Variants in NUB1 observed in about 807,000 individuals in gnomAD.
The protein encoded by NUB1 is NEDD8 ultimate buster 1.
A neutral mutation model predicts 77.1 loss-of-function variants in NUB1; 41 were observed. That is an observed-to-expected ratio of 0.53 (90% confidence interval 0.41 to 0.69). NUB1 has a LOEUF of 0.69. NUB1 is among the 30% of genes least tolerant of loss of function. The probability of loss-of-function intolerance (pLI) is 0.00; values close to 1 mark genes in which losing one functional copy is unlikely to be tolerated. For synonymous variants in NUB1, 257 were observed against 281.0 expected, an observed-to-expected ratio of 0.91 and a Z score of 0.85; for missense variants, 643 against 743.8, an observed-to-expected ratio of 0.86 and a Z score of 1.58.
intron 4 of NUB1, among the ~76,000 whole-genome samples, chr7:151,351,936 C>CAT (rs3838706): frequency 6.6e-6 from 1 of 151,804 alleles, no homozygotes; most frequent in South Asian, 2.1e-4. Flanking sequence ...CACACACACA[C>CAT]GTTTGCCACA....
At position 151,367,854 on chromosome 7, in the gene NUB1, A is replaced by C. The variant is rs1563025969; in HGVS notation, c.988-7A>C. 6.5e-7 allele frequency: 1 copy of C among 1,549,764 alleles called. No individual in the cohort carries two copies. Among genetic ancestry groups the C allele is most frequent in the Non-Finnish European group, 8.8e-7 (1 of 1,137,736 alleles). On this transcript the variant is annotated splice_polypyrimidine_tract_variant and splice_region_variant and intron_variant, in intron 9 of 14. Coordinates refer to ENST00000568733, the MANE Select transcript of NUB1 (RefSeq NM_001243351.2). ...AATTTTATCCTTTTTTTCTTCAATA[A>C]TTTTAGGGAAATTGTGGGAAAGAGA...
At chr7:151,342,089 G>A (rs1796238538) in intron 1 of NUB1, 3 of 533,612 alleles carry the variant, frequency 5.6e-6, no homozygotes. Flanking sequence ...AGAGGTGTGG[G>A]GTATTTAAAA....
At chr7:151,376,887 G>A in intron 14 of NUB1, 76 bp downstream of exon 14, 8 of 1,481,924 alleles carry the variant, frequency 5.4e-6, no homozygotes, top group Middle Eastern at 1.8e-4. Flanking sequence ...CCTAAGCCAC[G>A]GCAGATGTGG....
chr7:151,342,795 T>C (rs1293412247), intron 1 of NUB1, among the ~76,000 whole-genome samples: 1 of 152,214 alleles, frequency 6.6e-6, no homozygotes, highest in Non-Finnish European at 1.5e-5. Flanking sequence ...CCTTCGTCCT[T>C]CTGTCAAGTG....
intron 5 of NUB1, 58 bp from the exon 6 acceptor site, chr7:151,355,710 C>T (rs1797031974): frequency 7.0e-7 from 1 of 1,438,072 alleles, no homozygotes; most frequent in East Asian, 2.5e-5. Flanking sequence ...AGAAAATGGA[C>T]TGTTACCTGG....
At chr7:151,354,414 A>G (rs1264695380) in intron 5 of NUB1, among the ~76,000 whole-genome samples, 8 of 152,016 alleles carry the variant, frequency 5.3e-5, no homozygotes, top group Non-Finnish European at 1.2e-4. Context: ...TTCTCAAAAG[A>G]AAAAAATCCA....
rs1177893414 is a variant in NUB1 at position 151,375,895 on chromosome 7, T to G, written c.1443T>G (p.Pro481=). Residue 481 remains proline, a synonymous_variant, in exon 13 of 15, where the codon CCT becomes CCG. Transcript: ENST00000568733. ...PQMWWLNDSN[P]ETDNRQESPS... ...TGTGGTGGTTAAATGATTCCAATCCTGAAACCGACAACCGTCAAGAAAGTC... is the reference window on the plus strand; with the variant it reads ...TGTGGTGGTTAAATGATTCCAATCCGGAAACCGACAACCGTCAAGAAAGTC... 26 of 1,613,378 alleles carry G rather than the reference T, an allele frequency of 1.6e-5. No individual in the cohort carries two copies. Among genetic ancestry groups the G allele is most frequent in the Non-Finnish European group, 2.1e-5 (25 of 1,179,410 alleles).
chr7:151,355,121 A>G (rs1797003447), intron 5 of NUB1, among the ~76,000 whole-genome samples: 1 of 152,090 alleles, frequency 6.6e-6, no homozygotes, highest in Non-Finnish European at 1.5e-5. Context: ...TATTTTTTCA[A>G]CTAGAGGGTA....
chr7:151,366,968 T>C lies in NUB1; in HGVS notation c.830T>C (p.Val277Ala). The change falls in exon 9 of 15, where the codon GTG (valine) becomes GCG (alanine). Residue 277 changes from valine to alanine, a missense_variant. Transcript: ENST00000568733. ...TGTTGCAGAGAGCTGCTGGACACAG[T>C]GGATAACTACGCCGTCCTCCAGCTG... ...CECCRELLDT[V>A]DNYAVLQLDI... The C allele has an allele frequency of 6.2e-7, 1 of 1,613,030 alleles. No homozygotes were observed. Among genetic ancestry groups the C allele is most frequent in the South Asian group, 1.1e-5 (1 of 90,892 alleles).
At chr7:151,345,998 G>A (rs1299268158) in intron 2 of NUB1, among the ~76,000 whole-genome samples, 4 of 152,160 alleles carry the variant, frequency 2.6e-5, no homozygotes, top group African/African-American at 4.8e-5. Context: ...ACTGAAGTCT[G>A]CTTGCTTTTC....
rs1584933904 is a variant in NUB1 at position 151,346,427 on chromosome 7, G to C, written c.117+961G>C. 2.0e-5 allele frequency among the ~76,000 whole-genome samples: 3 copies of C among 152,320 alleles called. No individual in the cohort carries two copies. In the East Asian group the frequency reaches 5.8e-4, roughly 29 times the overall value. On this transcript the variant is annotated intron_variant, in intron 2 of 14. Coordinates refer to ENST00000568733, the MANE Select transcript of NUB1 (RefSeq NM_001243351.2). ...ATAGGAGCAACCTTTGTGCTCATGA[G>C]GCTTGGTTGCCCCTAGATAGCTTCA... is the stretch of plus-strand genomic sequence containing the variant.
chr7:151,353,535 A>G lies in NUB1; in HGVS notation c.415+653A>G, dbSNP rs143528729. On this transcript the variant is annotated intron_variant, in intron 5 of 14. Coordinates refer to ENST00000568733, the MANE Select transcript of NUB1 (RefSeq NM_001243351.2). ...CCACAACAAAGACTTGTCCAGTCCC[A>G]GATGTCAGTAGCGCAGCTGTTGGGA... Among the ~76,000 whole-genome samples the G allele has an allele frequency of 6.8e-3, 1,032 of 152,322 alleles. 11 individuals carry two copies. Among genetic ancestry groups the G allele is most frequent in the African/African-American group, 0.024 (999 of 41,570 alleles).
intron 2 of NUB1, among the ~76,000 whole-genome samples, chr7:151,348,163 A>AT (rs1488244480): frequency 1.3e-5 from 2 of 152,078 alleles, no homozygotes; most frequent in Non-Finnish European, 2.9e-5. Context: ...ACTCATCTGG[A>AT]TTTTTTTGGG....
Position 151,377,371 on chromosome 7 carries a change from A to AGG in NUB1, c.*149_*150dup, listed in dbSNP as rs371804068. Reference sequence around the variant, plus strand: ...GGGGTGGGCAGGGGACAAGTCCAGGAGGGGTCCCAGGGCCTTCATGCGTGG... The same window carrying AGG: ...GGGGTGGGCAGGGGACAAGTCCAGGAGGGGGGTCCCAGGGCCTTCATGCGTGG... On this transcript the variant is annotated 3_prime_UTR_variant, in exon 15 of 15. Transcript: ENST00000568733. The AGG allele has an allele frequency of 1.8e-6, 1 of 552,970 alleles. No homozygotes were observed. Among genetic ancestry groups the AGG allele is most frequent in the African/African-American group, 1.9e-5 (1 of 51,420 alleles). 34.3% of individuals were successfully genotyped at this position (552,970 alleles called of 1,614,324 possible). A position where few individuals can be genotyped will look rare whatever the true frequency, so the allele number is the denominator to read the frequency against.
intron 1 of NUB1, 30 bp downstream of exon 1, chr7:151,341,876 C>A: frequency 6.7e-7 from 1 of 1,486,956 alleles, no homozygotes; most frequent in Non-Finnish European, 8.9e-7. Context: ...GTGTCCTCGA[C>A]CCCAGCCTCA....
intron 11 of NUB1, among the ~76,000 whole-genome samples, chr7:151,372,767 G>A (rs953455799): frequency 2.0e-5 from 3 of 152,152 alleles, no homozygotes; most frequent in African/African-American, 7.2e-5. Context: ...TGGAATGACG[G>A]AGCCTGCTGC....
intron 12 of NUB1, among the ~76,000 whole-genome samples, chr7:151,374,845 C>T (rs1798135116): frequency 6.6e-6 from 1 of 152,188 alleles, no homozygotes; most frequent in African/African-American, 2.4e-5. Flanking sequence ...CCTCTCGGCC[C>T]CGCAGGTCAG....
chr7:151,370,503 A>T (rs10256728), intron 11 of NUB1, among the ~76,000 whole-genome samples: 100,005 of 152,004 alleles, frequency 0.66, 33,462 homozygotes, highest in East Asian at 0.89. Flanking sequence ...ACCAGTAAGA[A>T]TTTATTATTT....
Position 151,367,866 on chromosome 7 carries a change from T to G in NUB1, c.993T>G (p.Asn331Lys). The G allele has an allele frequency of 6.3e-7, 1 of 1,576,448 alleles. No individual in the cohort carries two copies. The highest frequency in any genetic ancestry group is 8.6e-7 in the Non-Finnish European group (1 of 1,158,930). Residue 331 changes from asparagine (N) to lysine (K), a missense_variant, in exon 10 of 15, where the codon AAT (asparagine) becomes AAG (lysine). Coordinates refer to ENST00000568733, the MANE Select transcript of NUB1 (RefSeq NM_001243351.2). ...TTTTTCTTCAATAATTTTAGGGAAA[T>G]TGTGGGAAAGAGAAGGTACTGTTTC... The part of the protein sequence containing the change: ...NHQRLVHIKG[N>K]CGKEKVLFLR...
Sources: allele counts gnomAD v4.1 joint callset (sites outside exome capture counted in the v4.1 genomes callset), GRCh38; gene constraint gnomAD v4.1.1; transcripts MANE v1.5; gene names NCBI Gene and HGNC (gene_info 2026-07-23, HGNC 2026-07-21).